Variants in XDH observed in about 807,000 individuals in gnomAD.
XDH encodes xanthine dehydrogenase.
In XDH, 138 loss-of-function variants were observed where a neutral mutation model predicts 156.1. The observed-to-expected ratio is 0.88, with a 90% CI of 0.77 to 1.02. The LOEUF is 1.02. XDH is among the 50% of genes least tolerant of loss of function. The pLI, the probability that XDH is intolerant of heterozygous loss-of-function variation, is 0.00. For missense variants in XDH, 1,849 were observed against 1,684.9 expected (o/e 1.10, Z -1.71); for synonymous variants, 669 against 625.7 (o/e 1.07, Z -1.03).
At position 31,412,667 on chromosome 2, in the gene XDH, C is replaced by A. The variant is rs553967604; in HGVS notation, c.42+1958G>T. Among the ~76,000 whole-genome samples, 452 of 152,278 alleles carry A rather than the reference C, an allele frequency of 3.0e-3. 1 individual carries two copies. Among genetic ancestry groups the A allele is most frequent in the African/African-American group, 0.01 (432 of 41,570 alleles). On this transcript the variant is annotated intron_variant, in intron 1 of 35. Coordinates refer to ENST00000379416, the MANE Select transcript of XDH (RefSeq NM_000379.4). ...AAGAGTCACTAAGTTCTTACAGCTT[C>A]TTTGGTAACTACTTTGCACAATTCC...
chr2:31,411,759 G>C (rs1248908268), intron 1 of XDH, among the ~76,000 whole-genome samples: 1 of 152,176 alleles, frequency 6.6e-6, no homozygotes, highest in Non-Finnish European at 1.5e-5. Context: ...CATGCTGCTA[G>C]TTTTCTGTGA....
At chr2:31,375,100 A>C (rs1686208465) in intron 15 of XDH, among the ~76,000 whole-genome samples, 1 of 131,998 alleles carries the variant, frequency 7.6e-6, no homozygotes. Context: ...ATCTTGGCTC[A>C]CTGCAACCTC....
chr2:31,347,180 T>C (rs1685321020), intron 29 of XDH, among the ~76,000 whole-genome samples: 1 of 152,210 alleles, frequency 6.6e-6, no homozygotes, highest in Non-Finnish European at 1.5e-5. Context: ...GGAGCCAGTG[T>C]GGCCAACCTG....
At chr2:31,344,626 C>T (rs756722485) in intron 31 of XDH, 58 bp downstream of exon 31, 2 of 1,595,482 alleles carry the variant, frequency 1.3e-6, no homozygotes, top group Non-Finnish European at 1.7e-6. Context: ...CTGGAGTGGA[C>T]CAGTGAGGTT....
chr2:31,352,380 A>G (rs760902732), intron 24 of XDH, among the ~76,000 whole-genome samples: 44 of 151,796 alleles, frequency 2.9e-4, no homozygotes, highest in Non-Finnish European at 5.2e-4. Context: ...GTTTTGGTTT[A>G]TTTCCCTATG....
chr2:31,387,919 A>G (rs1486664818), intron 7 of XDH, 22 bp from the exon 8 acceptor site: 5 of 1,561,776 alleles, frequency 3.2e-6, no homozygotes, highest in Non-Finnish European at 4.3e-6. Flanking sequence ...GAGAACAGGT[A>G]GGTGATGCAG....
rs756778693 is a variant in XDH, at chr2:31,375,522, C to T, written c.1460G>A (p.Cys487Tyr). The change falls in exon 15 of 36, where the codon TGT (cysteine) becomes TAT (tyrosine). Residue 487 changes from cysteine to tyrosine, a missense_variant. By Grantham distance (194) the Cys-to-Tyr change is radical (BLOSUM62 -2). Coordinates refer to ENST00000379416, the MANE Select transcript of XDH (RefSeq NM_000379.4). ...ATGCAGCTCCTCTGCCAGTCCTGCACACACGTCCTGCAGCAGCTCCTCCTT... is the reference window on the plus strand; with the variant it reads ...ATGCAGCTCCTCTGCCAGTCCTGCATACACGTCCTGCAGCAGCTCCTCCTT... ...LWKEELLQDVCAGLAEELHLP... is the reference protein window; with the variant it reads ...LWKEELLQDVYAGLAEELHLP... 2.5e-6 allele frequency: 4 copies of T among 1,613,822 alleles called. No individual in the cohort carries two copies. Among genetic ancestry groups the T allele is most frequent in the Non-Finnish European group, 3.4e-6 (4 of 1,180,052 alleles).
intron 12 of XDH, among the ~76,000 whole-genome samples, chr2:31,381,015 A>G (rs1686422729): frequency 6.6e-6 from 1 of 151,898 alleles, no homozygotes; most frequent in Non-Finnish European, 1.5e-5. Context: ...TTATTTTTTG[A>G]GACAGGGTCT....
intron 31 of XDH, among the ~76,000 whole-genome samples, chr2:31,343,847 T>C (rs1387081009): frequency 7.0e-6 from 1 of 143,734 alleles, no homozygotes; most frequent in Non-Finnish European, 1.6e-5. Context: ...TATATTCATA[T>C]ACATACGGAA....
rs45474900 is a variant in XDH, at chr2:31,344,027, A to C, written c.3404+657T>G. 2.8e-3 allele frequency among the ~76,000 whole-genome samples: 419 copies of C among 152,296 alleles called. 2 individuals are homozygous for C. The highest frequency in any genetic ancestry group is 7.0e-3 in the South Asian group (34 of 4,826). On this transcript the variant is annotated intron_variant, in intron 31 of 35. Transcript: ENST00000379416. Reference sequence around the variant, plus strand: ...AAAAGGTCCTAGCTAAACTTCCCAGAGACGGCTAAAATATGATGACTGACA... The same window carrying C: ...AAAAGGTCCTAGCTAAACTTCCCAGCGACGGCTAAAATATGATGACTGACA...
intron 3 of XDH, among the ~76,000 whole-genome samples, chr2:31,401,914 A>G (rs1687070917): frequency 6.6e-6 from 1 of 152,204 alleles, no homozygotes; most frequent in Non-Finnish European, 1.5e-5. Context: ...TAAGTCAGGC[A>G]CTCTGCTGAG....
At chr2:31,348,395 T>G in intron 27 of XDH, 32 bp from the exon 28 acceptor site, 1 of 1,605,060 alleles carries the variant, frequency 6.2e-7, no homozygotes, top group South Asian at 1.1e-5. Flanking sequence ...AGACACAAAA[T>G]TCAGTAAAAT....
At chr2:31,382,901 G>T in intron 11 of XDH, 100 bp downstream of exon 11, 1 of 1,569,336 alleles carries the variant, frequency 6.4e-7, no homozygotes, top group South Asian at 1.1e-5. Flanking sequence ...AAGCGCTAAA[G>T]TTTGAGGCCC....
At chr2:31,363,220 G>C (rs1182746226) in intron 24 of XDH, among the ~76,000 whole-genome samples, 4 of 152,218 alleles carry the variant, frequency 2.6e-5, no homozygotes, top group Non-Finnish European at 1.5e-5. Context: ...GCTGAGACAG[G>C]AGAATCGCTT....
intron 1 of XDH, among the ~76,000 whole-genome samples, chr2:31,411,953 GAGTA>G (rs1045834239): frequency 1.5e-5 from 2 of 130,164 alleles, no homozygotes; most frequent in Admixed American, 8.0e-5. Context: ...AGTGAATGAT[GAGTA>G]AGTGAGTGAG....
Position 31,350,116 on chromosome 2 carries a change from C to G in XDH, c.2739G>C (p.Arg913=). 9 of 1,614,228 alleles carry G rather than the reference C, an allele frequency of 5.6e-6. No homozygotes were observed. Among genetic ancestry groups the G allele is most frequent in the Non-Finnish European group, 7.6e-6 (9 of 1,180,046 alleles). The change falls in exon 25 of 36, where the codon CGG becomes CGC. Residue 913 remains arginine (R), a synonymous_variant. Coordinates refer to ENST00000379416, the MANE Select transcript of XDH (RefSeq NM_000379.4). ...GCATCCCCTGGGGCCCCCCAAAGCC[C>G]CGGAAGGCCGTGTTGGAGGGAAGGT... ...KTNLPSNTAF[R]GFGGPQGMLI...
intron 1 of XDH, among the ~76,000 whole-genome samples, chr2:31,406,592 CCTCAATG>C (rs1004832362): frequency 6.6e-6 from 1 of 152,126 alleles, no homozygotes; most frequent in African/African-American, 2.4e-5. Context: ...TAAAATTGTA[CCTCAATG>C]CTCACCTTGG....
chr2:31,407,709 C>T (rs1294884513), intron 1 of XDH, among the ~76,000 whole-genome samples: 9 of 152,156 alleles, frequency 5.9e-5, no homozygotes, highest in Admixed American at 2.6e-4. Context: ...CTCACCCCGC[C>T]GTCCTGAATT....
chr2:31,370,005 G>A (rs1686030442), intron 18 of XDH, among the ~76,000 whole-genome samples: 1 of 152,172 alleles, frequency 6.6e-6, no homozygotes, highest in Admixed American at 6.5e-5. Flanking sequence ...CGTAGTGGTG[G>A]TATTGTGATT....
Sources: allele counts gnomAD v4.1 joint callset (sites outside exome capture counted in the v4.1 genomes callset), GRCh38; gene constraint gnomAD v4.1.1; transcripts MANE v1.5; gene names NCBI Gene and HGNC (gene_info 2026-07-23, HGNC 2026-07-21).